The following MYLK variants were observed in gnomAD, a reference collection of about 807,000 sequenced individuals.
The protein encoded by MYLK is myosin light chain kinase.
A neutral mutation model predicts 203.4 loss-of-function variants in MYLK; 106 were observed. That is an observed-to-expected ratio of 0.52 (90% CI 0.45 to 0.61). The LOEUF (loss-of-function observed/expected upper bound fraction) is 0.61. Among genes scored for constraint, MYLK ranks in the 20% least tolerant of loss-of-function variants. The pLI is 0.00. For missense variants in MYLK, 2,072 were observed against 2,442.3 expected (o/e 0.85, Z 3.20); for synonymous variants, 867 against 959.5 (o/e 0.90, Z 1.78).
At chr3:123,670,408 G>C (rs1212659603) in intron 20 of MYLK, among the ~76,000 whole-genome samples, 1 of 152,140 alleles carries the variant, frequency 6.6e-6, no homozygotes, top group East Asian at 1.9e-4. Context: ...GGCTGGCAGA[G>C]CACAGGGCTG....
chr3:123,873,869 T>C (rs2032987154), intron 2 of MYLK, among the ~76,000 whole-genome samples: 1 of 152,108 alleles, frequency 6.6e-6, no homozygotes, highest in Non-Finnish European at 1.5e-5. Context: ...CAATGAACAA[T>C]TGGAAAACAG....
chr3:123,622,197 A>C (rs2057904290), intron 31 of MYLK: 1 of 152,372 alleles, frequency 6.6e-6, no homozygotes. Context: ...TCTGCTCTCC[A>C]TTCCCTTTAT....
Position 123,882,017 on chromosome 3 carries a change from C to T in MYLK, c.-186+2189G>A, listed in dbSNP as rs1166227011. 2.0e-5 allele frequency among the ~76,000 whole-genome samples: 3 copies of T among 152,226 alleles called. No homozygotes were observed. In the South Asian group the frequency reaches 6.2e-4, roughly 32 times the overall value. ...CAGCAGGTGGGGCCACCTGGCCTTA[C>T]CAGTTAGCCTAGGAATGTTCCAAGG... is the stretch of plus-strand genomic sequence containing the variant. On this transcript the variant is annotated intron_variant, in intron 1 of 33. Coordinates refer to ENST00000360304, the MANE Select transcript of MYLK (RefSeq NM_053025.4).
intron 3 of MYLK, among the ~76,000 whole-genome samples, chr3:123,816,140 G>A (rs1411284095): frequency 1.3e-5 from 2 of 152,244 alleles, no homozygotes; most frequent in Non-Finnish European, 2.9e-5. Context: ...GAGCACTGGT[G>A]TGCACATCAG....
rs181747323 is a variant in MYLK at position 123,667,421 on chromosome 3, G to A, written c.3653-234C>T. Among the ~76,000 whole-genome samples the A allele has an allele frequency of 1.1e-4, 17 of 152,146 alleles. No homozygotes were observed. The East Asian group carries it at 2.5e-3, about 23-fold the overall frequency. ...GTTTGAGACCAGCCTGGCCAGCGTG[G>A]TGAAACCCCATCTCTACTAAAAATA... On this transcript the variant is annotated intron_variant, in intron 20 of 33. Transcript: ENST00000360304.
At chr3:123,846,379 TTTCA>T (rs1328729197) in intron 2 of MYLK, among the ~76,000 whole-genome samples, 1 of 152,230 alleles carries the variant, frequency 6.6e-6, no homozygotes, top group Non-Finnish European at 1.5e-5. Flanking sequence ...AACTTGCTTC[TTTCA>T]TTCAATGTTG....
intron 3 of MYLK, among the ~76,000 whole-genome samples, chr3:123,825,125 A>G (rs2066070547): frequency 6.6e-6 from 1 of 150,978 alleles, no homozygotes. Context: ...AACCTGGGCA[A>G]CAGAGCAACA....
intron 16 of MYLK, among the ~76,000 whole-genome samples, chr3:123,703,630 G>A (rs1027451473): frequency 4.6e-5 from 7 of 152,128 alleles, no homozygotes; most frequent in African/African-American, 7.2e-5. Context: ...AGTGTGCCCC[G>A]AGTTCTCAAC....
At chr3:123,766,486 C>A (rs1039109871) in intron 4 of MYLK, among the ~76,000 whole-genome samples, 1 of 152,262 alleles carries the variant, frequency 6.6e-6, no homozygotes, top group Admixed American at 6.5e-5. Context: ...AAGGGAGGAC[C>A]ACCTCTTAAT....
intron 3 of MYLK, among the ~76,000 whole-genome samples, chr3:123,818,702 A>G (rs1225293121): frequency 1.3e-5 from 2 of 152,152 alleles, no homozygotes; most frequent in African/African-American, 4.8e-5. Context: ...AAACAAAAAC[A>G]AAAACCCACA....
At chr3:123,818,518 A>C (rs542354644) in intron 3 of MYLK, among the ~76,000 whole-genome samples, 3 of 152,130 alleles carry the variant, frequency 2.0e-5, no homozygotes, top group Admixed American at 1.3e-4. Flanking sequence ...GGCAAACCAC[A>C]ACTCTACAAA....
intron 2 of MYLK, among the ~76,000 whole-genome samples, chr3:123,874,902 C>T (rs1436105451): frequency 6.6e-6 from 1 of 152,122 alleles, no homozygotes; most frequent in East Asian, 1.9e-4. Context: ...TCAGTAGTCA[C>T]TAAGGAAATT....
intron 2 of MYLK, among the ~76,000 whole-genome samples, chr3:123,869,517 G>A (rs1168068755): frequency 6.6e-6 from 1 of 152,042 alleles, no homozygotes; most frequent in Non-Finnish European, 1.5e-5. Context: ...CAGAGGCTTG[G>A]CCCTTGAATC....
intron 5 of MYLK, among the ~76,000 whole-genome samples, chr3:123,741,077 T>C (rs961699791): frequency 1.3e-5 from 2 of 152,208 alleles, no homozygotes; most frequent in Non-Finnish European, 2.9e-5. Context: ...GGGATGTTTA[T>C]AAAACCCTAT....
rs148512302 is a variant in MYLK at position 123,709,398 on chromosome 3, A to C, written c.1942+358T>G. ...CCTTGTGATCTGCTGCCTCGGCCTC[A>C]CAAAGTGCTGGGATTACAGGCGTGA... is the stretch of plus-strand genomic sequence containing the variant. On this transcript the variant is annotated intron_variant, in intron 14 of 33. Transcript: ENST00000360304. 3.7e-3 allele frequency: 1,162 copies of C among 311,510 alleles called. 8 individuals are homozygous for C. The highest frequency in any genetic ancestry group is 0.012 in the African/African-American group (561 of 46,364). The allele number at this position is 311,510 out of a possible 1,614,324, so 19.3% of individuals were successfully genotyped here.
At chr3:123,713,096 G>A (rs1196379890) in intron 13 of MYLK, among the ~76,000 whole-genome samples, 1 of 152,236 alleles carries the variant, frequency 6.6e-6, no homozygotes, top group Non-Finnish European at 1.5e-5. Context: ...CCCTCCAGGA[G>A]ATGAGTGAGT....
At chr3:123,858,520 G>A (rs1055814052) in intron 2 of MYLK, among the ~76,000 whole-genome samples, 1 of 152,118 alleles carries the variant, frequency 6.6e-6, no homozygotes, top group African/African-American at 2.4e-5. Context: ...CTTCCTGCTG[G>A]TGGGGACTCT....
At chr3:123,778,281 T>C (rs1438607179) in intron 4 of MYLK, among the ~76,000 whole-genome samples, 1 of 152,044 alleles carries the variant, frequency 6.6e-6, no homozygotes, top group Admixed American at 6.6e-5. Flanking sequence ...CACTAGGGGA[T>C]TCCTCGGGAG....
chr3:123,698,924 G>A (rs577697695), intron 18 of MYLK: 9 of 152,286 alleles, frequency 5.9e-5, no homozygotes, highest in Non-Finnish European at 8.8e-5. Flanking sequence ...GGGCCAGGGA[G>A]GGGAGCAGCC....
Sources: gnomAD v4.1 joint callset for allele counts (sites outside exome capture counted in the v4.1 genomes callset) on GRCh38, gnomAD v4.1.1 for gene constraint, MANE v1.5 for transcripts, NCBI Gene and HGNC (gene_info 2026-07-23, HGNC 2026-07-21) for gene names.